The following TLK1 variants were observed in gnomAD, a reference collection of about 807,000 sequenced individuals.
TLK1 encodes the protein serine/threonine-protein kinase tousled-like 1.
In TLK1, 24 loss-of-function variants were observed where a neutral mutation model predicts 105.3. The observed-to-expected ratio is 0.23, with a 90% CI of 0.17 to 0.32. The LOEUF (loss-of-function observed/expected upper bound fraction) is 0.32, where lower values mean the gene tolerates loss of function less well. Ranked by LOEUF, TLK1 falls within the 10% of genes least tolerant of loss-of-function variation. TLK1 has a pLI of 1.00. For synonymous variants in TLK1, 321 were observed against 310.4 expected (o/e 1.03, Z -0.36); for missense variants, 558 against 910.5 (o/e 0.61, Z 4.98).
chr2:171,105,644 C>T (rs909557507), intron 2 of TLK1, among the ~76,000 whole-genome samples: 8 of 152,052 alleles, frequency 5.3e-5, no homozygotes, highest in South Asian at 2.1e-4. Flanking sequence ...CCCGAGACTG[C>T]GCCAGTGCAC....
chr2:171,008,431 T>TTA lies in TLK1; in HGVS notation c.1417-1369_1417-1368insTA, dbSNP rs566407589. 1.3e-3 allele frequency among the ~76,000 whole-genome samples: 197 copies of TTA among 152,218 alleles called. 6 individuals carry two copies. In the South Asian group the frequency reaches 0.039, roughly 30 times the overall value. On this transcript the variant is annotated intron_variant, in intron 14 of 20. Transcript: ENST00000431350. Reference sequence around the variant, plus strand: ...TATATAAGGGACAAGGCGGAACAAATCTATAAAGAATTCAAGGCAATCATA... The same window carrying TTA: ...TATATAAGGGACAAGGCGGAACAAATTACTATAAAGAATTCAAGGCAATCATA...
chr2:171,046,432 T>G, intron 10 of TLK1, 70 bp from the exon 11 acceptor site: 1 of 1,461,556 alleles, frequency 6.8e-7, no homozygotes, highest in Non-Finnish European at 9.1e-7. Flanking sequence ...TTGGAAAAAA[T>G]GCATAAAAAA....
Position 171,047,749 on chromosome 2 carries a change from C to T in TLK1, c.981-1387G>A, listed in dbSNP as rs757064276. ...AATATTAATGGAAAGTAAAGAATTA[C>T]TGGAATAGATATTAATAGCTGATTA... On this transcript the variant is annotated intron_variant, in intron 10 of 20. Transcript: ENST00000431350. 9.7e-4 allele frequency among the ~76,000 whole-genome samples: 148 copies of T among 152,056 alleles called. 2 individuals carry two copies. The highest frequency in any genetic ancestry group is 4.4e-4 in the Non-Finnish European group (30 of 67,994).
intron 1 of TLK1, among the ~76,000 whole-genome samples, chr2:171,137,830 C>CGA (rs1691392718): frequency 6.7e-6 from 1 of 150,178 alleles, no homozygotes; most frequent in African/African-American, 2.5e-5. Flanking sequence ...GCCTGGGTGA[C>CGA]AGAGTGAGAC....
rs1255054039 is a variant in TLK1 at position 171,065,058 on chromosome 2, T to C, written c.331-3902A>G. ...AAAATATAAAGGAGTCTTTCTTCAA[T>C]GTAAATAAGACCAAACATAAGAACA... On this transcript the variant is annotated intron_variant, in intron 3 of 20. Coordinates refer to ENST00000431350, the MANE Select transcript of TLK1 (RefSeq NM_012290.5). Among the ~76,000 whole-genome samples the C allele has an allele frequency of 2.0e-5, 3 of 152,272 alleles. No individual in the cohort carries two copies. In the East Asian group the frequency reaches 5.8e-4, roughly 29 times the overall value.
At chr2:171,210,311 T>C (rs1015164449) in intron 1 of TLK1, among the ~76,000 whole-genome samples, 4 of 151,810 alleles carry the variant, frequency 2.6e-5, no homozygotes, top group African/African-American at 7.3e-5. Context: ...AGGGTTTCAC[T>C]ATGTTGCCTA....
At chr2:171,029,629 A>G (rs1230361059) in intron 11 of TLK1, among the ~76,000 whole-genome samples, 1 of 152,136 alleles carries the variant, frequency 6.6e-6, no homozygotes, top group Non-Finnish European at 1.5e-5. Context: ...ATGCCTAGCT[A>G]CTTCAAAATC....
chr2:171,028,818 G>A (rs1306113913), intron 11 of TLK1, among the ~76,000 whole-genome samples: 1 of 152,142 alleles, frequency 6.6e-6, no homozygotes, highest in Non-Finnish European at 1.5e-5. Context: ...GTGGAAGTAA[G>A]CAAGCATAAA....
chr2:171,223,780 G>A (rs1693850497), intron 1 of TLK1, among the ~76,000 whole-genome samples: 1 of 151,216 alleles, frequency 6.6e-6, no homozygotes, highest in African/African-American at 2.4e-5. Context: ...ACTCCCAGCA[G>A]TGCACATTTT....
intron 1 of TLK1, among the ~76,000 whole-genome samples, chr2:171,147,743 T>C (rs1322345707): frequency 1.3e-5 from 2 of 152,220 alleles, no homozygotes; most frequent in African/African-American, 4.8e-5. Context: ...TTTCAAATGA[T>C]ATCCTAAATT....
intron 1 of TLK1, among the ~76,000 whole-genome samples, chr2:171,131,505 CAT>C (rs1287714890): frequency 6.6e-6 from 1 of 152,142 alleles, no homozygotes; most frequent in Non-Finnish European, 1.5e-5. Flanking sequence ...AGATTAACAC[CAT>C]AGTTTTCCAG....
chr2:171,026,998 T>A (rs1282274133), intron 12 of TLK1, among the ~76,000 whole-genome samples: 1 of 152,110 alleles, frequency 6.6e-6, no homozygotes, highest in African/African-American at 2.4e-5. Flanking sequence ...GTAGTTTACG[T>A]TGAAGCTTTC....
intron 20 of TLK1, 40 bp downstream of exon 20, chr2:170,996,608 GAAAGA>G: frequency 1.3e-6 from 2 of 1,511,566 alleles, no homozygotes; most frequent in Non-Finnish European, 1.8e-6. Context: ...CACAACTGAT[GAAAGA>G]AAAGTTACTT....
At chr2:170,999,554 T>C (rs1684257620) in intron 18 of TLK1, among the ~76,000 whole-genome samples, 1 of 152,164 alleles carries the variant, frequency 6.6e-6, no homozygotes, top group South Asian at 2.1e-4. Context: ...TCCACCAGGA[T>C]TTAGTGAATT....
chr2:171,151,395 G>A (rs932348264), intron 1 of TLK1, among the ~76,000 whole-genome samples: 6 of 150,992 alleles, frequency 4.0e-5, no homozygotes, highest in African/African-American at 1.5e-4. Flanking sequence ...GACTTCATGT[G>A]ATTGTTAGGA....
At chr2:171,096,454 A>T (rs1033225032) in intron 2 of TLK1, among the ~76,000 whole-genome samples, 10 of 152,122 alleles carry the variant, frequency 6.6e-5, no homozygotes, top group South Asian at 2.1e-4. Flanking sequence ...CATAAAAAAA[A>T]TTTAAGAATA....
chr2:171,169,308 G>T (rs573830562), intron 1 of TLK1, among the ~76,000 whole-genome samples: 1 of 152,014 alleles, frequency 6.6e-6, no homozygotes, highest in South Asian at 2.1e-4. Flanking sequence ...ATATGATAAG[G>T]CCATTAAAAT....
Position 171,061,124 on chromosome 2 carries a change from C to T in TLK1, c.363G>A (p.Arg121=), listed in dbSNP as rs1411182481. ...GGTTTTCTGCTTTTCTCTTTCTTCC[C>T]CTGGATGATTCCGATTGTTTCTTCT... ...TPEKKQSESS[R]GRKRKAENQN... The change falls in exon 4 of 21, where the codon AGG becomes AGA. Residue 121 remains arginine (R), a synonymous_variant. Coordinates refer to ENST00000431350, the MANE Select transcript of TLK1 (RefSeq NM_012290.5). 1.9e-6 allele frequency: 3 copies of T among 1,613,260 alleles called. No individual in the cohort carries two copies. The highest frequency in any genetic ancestry group is 2.7e-5 in the African/African-American group (2 of 74,868).
intron 13 of TLK1, among the ~76,000 whole-genome samples, chr2:171,013,240 T>A (rs1270381400): frequency 6.7e-6 from 1 of 150,230 alleles, no homozygotes; most frequent in East Asian, 2.0e-4. Flanking sequence ...CTCGAACTCC[T>A]AACCTCAAGA....
Sources: gnomAD v4.1 joint callset for allele counts (sites outside exome capture counted in the v4.1 genomes callset) on GRCh38, gnomAD v4.1.1 for gene constraint, MANE v1.5 for transcripts, NCBI Gene and HGNC (gene_info 2026-07-23, HGNC 2026-07-21) for gene names.